Variants in CIMIP2A observed in about 807,000 individuals in gnomAD.
CIMIP2A encodes the protein ciliary microtubule inner protein 2A.
chr9:137,244,677 C>T, the CIMIP2A span: 29 of 1,613,760 alleles, frequency 1.8e-5, no homozygotes, highest in Admixed American at 5.0e-5. Context: ...GCTTGCATGA[C>T]GCCGTCTCGG....
the CIMIP2A span, chr9:137,253,538 G>A: frequency 1.4e-6 from 2 of 1,381,998 alleles, no homozygotes; most frequent in Non-Finnish European, 1.9e-6. Context: ...TAGAGATATG[G>A]CTGCCGCTGG....
At chr9:137,243,599 T>G in the CIMIP2A span, 4 of 1,613,054 alleles carry the variant, frequency 2.5e-6, no homozygotes, top group Non-Finnish European at 3.4e-6. Flanking sequence ...GTGTGAACTC[T>G]TTATTCACTC....
At chr9:137,251,880 A>G in the CIMIP2A span, 4 of 1,607,768 alleles carry the variant, frequency 2.5e-6, no homozygotes, top group Admixed American at 6.8e-5. Context: ...CTACACCCAG[A>G]CCCTGAGGGA....
the CIMIP2A span, chr9:137,247,696 T>A: frequency 6.2e-7 from 1 of 1,613,472 alleles, no homozygotes. Flanking sequence ...GAAGAGATCG[T>A]GTTTCTGAGT....
At chr9:137,251,387 A>G in the CIMIP2A span, 3 of 1,610,976 alleles carry the variant, frequency 1.9e-6, no homozygotes, top group Non-Finnish European at 1.7e-6. Context: ...ACACAACCAG[A>G]GCCCACCCAG....
At chr9:137,252,806 C>A in the CIMIP2A span, 1 of 1,564,844 alleles carries the variant, frequency 6.4e-7, no homozygotes, top group Non-Finnish European at 8.7e-7. Flanking sequence ...CCTCAGGGTG[C>A]AGCCCCAGTC....
chr9:137,252,959 A>T, the CIMIP2A span: 4 of 1,596,140 alleles, frequency 2.5e-6, no homozygotes, highest in Non-Finnish European at 3.4e-6. Context: ...CTCCTGGCTC[A>T]GCACCTGTAA....
At chr9:137,244,580 G>A in the CIMIP2A span, 1 of 1,594,132 alleles carries the variant, frequency 6.3e-7, no homozygotes, top group African/African-American at 1.3e-5. Context: ...CAGGGAAGCT[G>A]CCAGGCAGGA....
At chr9:137,245,443 C>T in the CIMIP2A span, 4 of 1,613,954 alleles carry the variant, frequency 2.5e-6, no homozygotes, top group South Asian at 2.2e-5. Context: ...GGGCGTGAAG[C>T]CTGCAGGCAG....
chr9:137,251,863 T>G, the CIMIP2A span: 2 of 1,608,616 alleles, frequency 1.2e-6, no homozygotes, highest in African/African-American at 2.7e-5. Context: ...CAGGAGTCCC[T>G]GCCCACCTAC....
the CIMIP2A span, among the ~76,000 whole-genome samples, chr9:137,254,005 G>A: frequency 2.6e-5 from 4 of 152,198 alleles, no homozygotes; most frequent in African/African-American, 9.6e-5. Flanking sequence ...CTGCAACTTC[G>A]CCTGGCTGGG....
chr9:137,254,293 G>A, the CIMIP2A span, among the ~76,000 whole-genome samples: 3 of 152,262 alleles, frequency 2.0e-5, no homozygotes, highest in Non-Finnish European at 1.5e-5. Context: ...ACCAGCTGGG[G>A]GTTGGATCAA....
At chr9:137,247,454 G>A in the CIMIP2A span, among the ~76,000 whole-genome samples, 1 of 152,214 alleles carries the variant, frequency 6.6e-6, no homozygotes, top group South Asian at 2.1e-4. Flanking sequence ...GGAGGGTGAG[G>A]CCTGGGCCCC....
the CIMIP2A span, chr9:137,244,509 G>C: frequency 6.6e-7 from 1 of 1,505,684 alleles, no homozygotes; most frequent in Non-Finnish European, 8.9e-7. Context: ...GGGGACAGGA[G>C]AGAGCCAGGC....
At chr9:137,248,013 G>GCC in the CIMIP2A span, among the ~76,000 whole-genome samples, 1 of 152,148 alleles carries the variant, frequency 6.6e-6, no homozygotes, top group Non-Finnish European at 1.5e-5. Context: ...GGCTCTTGCT[G>GCC]CCCCCAGGAG....
the CIMIP2A span, among the ~76,000 whole-genome samples, chr9:137,249,908 C>T: frequency 2.0e-5 from 3 of 152,198 alleles, no homozygotes; most frequent in African/African-American, 7.2e-5. Context: ...CACAGGAACC[C>T]CAAATTGAAG....
the CIMIP2A span, chr9:137,252,779 G>A: frequency 5.8e-6 from 9 of 1,561,416 alleles, no homozygotes; most frequent in East Asian, 4.8e-5. Flanking sequence ...AGGGCTGCCT[G>A]GGGCTAGGGG....
the CIMIP2A span, chr9:137,253,591 C>T: frequency 1.7e-5 from 18 of 1,082,072 alleles, no homozygotes; most frequent in South Asian, 2.0e-5. Context: ...CATTCAGCTG[C>T]CCCTGAAAGG....
the CIMIP2A span, chr9:137,244,880 TG>T: frequency 6.4e-7 from 1 of 1,570,520 alleles, no homozygotes; most frequent in Non-Finnish European, 8.6e-7. Flanking sequence ...TGTGGCCAAA[TG>T]GGAACAGGCA....
Sources: allele counts gnomAD v4.1 joint callset (sites outside exome capture counted in the v4.1 genomes callset), GRCh38; gene constraint gnomAD v4.1.1; transcripts MANE v1.5; gene names NCBI Gene and HGNC (gene_info 2026-07-23, HGNC 2026-07-21).